TMOD3: variants seen among roughly 807,000 people sequenced by gnomAD.
TMOD3 encodes the protein tropomodulin-3.
In TMOD3, 20 loss-of-function variants were observed where a neutral mutation model predicts 39.2. The ratio of observed to expected loss-of-function variants is 0.51; its 90% CI spans 0.36 to 0.74. The LOEUF is 0.74. Among genes scored for constraint, TMOD3 ranks in the 30% least tolerant of loss-of-function variants. TMOD3 has a pLI of 0.00. For missense variants in TMOD3, 381 were observed against 412.8 expected (o/e 0.92, Z 0.67); for synonymous variants, 143 against 145.8 (o/e 0.98, Z 0.14).
intron 1 of TMOD3, among the ~76,000 whole-genome samples, chr15:51,830,527 T>C (rs1169460130): frequency 6.6e-6 from 1 of 152,196 alleles, no homozygotes; most frequent in East Asian, 1.9e-4. Flanking sequence ...TCTTTTTTTC[T>C]TTTTAATGTT....
At chr15:51,875,227 T>C (rs2056496009) in intron 3 of TMOD3, 1 of 152,170 alleles carries the variant, frequency 6.6e-6, no homozygotes, top group Admixed American at 6.5e-5. Context: ...ATCAAGAGGA[T>C]TACATAACCA....
chr15:51,903,864 A>G (rs1566868896), intron 9 of TMOD3, among the ~76,000 whole-genome samples: 1 of 152,218 alleles, frequency 6.6e-6, no homozygotes, highest in Non-Finnish European at 1.5e-5. Flanking sequence ...GAGCCTCACG[A>G]CCATCACATA....
In TMOD3 at chr15:51,900,021, G is replaced by A; in HGVS notation, c.736-134G>A. 4 of 861,408 alleles carry A rather than the reference G, an allele frequency of 4.6e-6. No homozygotes were observed. The South Asian group carries it at 5.3e-5, about 11-fold the overall frequency. 53.4% of individuals were successfully genotyped at this position (861,408 alleles called of 1,614,324 possible). A position where few individuals can be genotyped will look rare whatever the true frequency, so the allele number is the denominator to read the frequency against. ...GACAACTGTACATGTGAGAGCTATG[G>A]GCTACTGTGTCAAACTGAAACAACT... is the stretch of plus-strand genomic sequence containing the variant. On this transcript the variant is annotated intron_variant, in intron 7 of 9. Coordinates refer to ENST00000308580, the MANE Select transcript of TMOD3 (RefSeq NM_014547.5).
At chr15:51,886,415 G>C (rs371899815) in intron 3 of TMOD3, among the ~76,000 whole-genome samples, 241 of 152,340 alleles carry the variant, frequency 1.6e-3, no homozygotes, top group African/African-American at 5.7e-3. Context: ...CTGCAATCCC[G>C]GCACCTCGGG....
Position 51,864,090 on chromosome 15 carries a change from C to T in TMOD3, c.126+1080C>T, listed in dbSNP as rs910232901. On this transcript the variant is annotated intron_variant, in intron 2 of 9. Transcript: ENST00000308580. ...AGACCAGCCTGGCCAACATAGTGAA[C>T]CCCGTCTCTACTAAATATACAAAAA... Among the ~76,000 whole-genome samples the T allele has an allele frequency of 2.0e-5, 3 of 151,814 alleles. No individual in the cohort carries two copies. In the South Asian group the frequency reaches 6.2e-4, roughly 32 times the overall value.
chr15:51,889,028 TA>T, intron 4 of TMOD3, 27 bp from the exon 5 acceptor site: 2 of 1,461,408 alleles, frequency 1.4e-6, no homozygotes, highest in Non-Finnish European at 1.9e-6. Flanking sequence ...TTTAAAACAA[TA>T]AAAACTTTCT....
intron 1 of TMOD3, chr15:51,861,024 TG>T: frequency 1.4e-6 from 1 of 704,192 alleles, no homozygotes. Context: ...ACCTTGTACC[TG>T]GTGTACAATA....
chr15:51,865,606 C>CT (rs1433512512), intron 2 of TMOD3, among the ~76,000 whole-genome samples: 5 of 152,166 alleles, frequency 3.3e-5, no homozygotes, highest in African/African-American at 1.2e-4. Context: ...AGTCATAATT[C>CT]CTCTAACCTC....
intron 3 of TMOD3, among the ~76,000 whole-genome samples, chr15:51,883,482 G>T (rs2056544745): frequency 6.6e-6 from 1 of 152,098 alleles, no homozygotes; most frequent in Admixed American, 6.5e-5. Context: ...AGTAAAAATT[G>T]TGTTGTTTAT....
chr15:51,867,682 T>C (rs910048139), intron 2 of TMOD3, among the ~76,000 whole-genome samples: 1 of 152,182 alleles, frequency 6.6e-6, no homozygotes, highest in Non-Finnish European at 1.5e-5. Flanking sequence ...TCACTGCCAA[T>C]ATTGGGAGGT....
chr15:51,856,662 A>G (rs961217740), intron 1 of TMOD3, among the ~76,000 whole-genome samples: 5 of 152,114 alleles, frequency 3.3e-5, no homozygotes, highest in Non-Finnish European at 5.9e-5. Context: ...ACATTTGCCA[A>G]TGAACATATG....
intron 3 of TMOD3, chr15:51,884,647 G>C (rs1270576666): frequency 6.6e-6 from 1 of 151,512 alleles, no homozygotes; most frequent in African/African-American, 2.4e-5. Context: ...CACTTGACTA[G>C]CCTTAAAAAA....
At chr15:51,871,762 A>G (rs1451232525) in intron 3 of TMOD3, among the ~76,000 whole-genome samples, 3 of 151,802 alleles carry the variant, frequency 2.0e-5, no homozygotes, top group Non-Finnish European at 2.9e-5. Context: ...TGTATCCTCA[A>G]CTATGGTAGA....
intron 5 of TMOD3, among the ~76,000 whole-genome samples, chr15:51,891,429 T>G (rs1047490540): frequency 1.3e-5 from 2 of 152,196 alleles, no homozygotes; most frequent in Non-Finnish European, 2.9e-5. Flanking sequence ...AGGTCCCTTT[T>G]GGCAAGAATG....
At chr15:51,905,478 C>T (rs886164212) in intron 9 of TMOD3, among the ~76,000 whole-genome samples, 2 of 148,332 alleles carry the variant, frequency 1.3e-5, no homozygotes, top group African/African-American at 5.0e-5. Flanking sequence ...CAGAGTGAGA[C>T]TTTGTCTAAA....
chr15:51,871,906 C>T (rs796193320), intron 3 of TMOD3, among the ~76,000 whole-genome samples: 26 of 152,188 alleles, frequency 1.7e-4, no homozygotes, highest in African/African-American at 4.8e-4. Flanking sequence ...ATAATACATT[C>T]GGTATTTTTA....
chr15:51,883,327 C>T (rs907812152), intron 3 of TMOD3, among the ~76,000 whole-genome samples: 1 of 151,786 alleles, frequency 6.6e-6, no homozygotes, highest in Non-Finnish European at 1.5e-5. Flanking sequence ...AAATTAGGTA[C>T]GAATAATGCC....
intron 1 of TMOD3, among the ~76,000 whole-genome samples, chr15:51,847,345 T>A (rs942373266): frequency 1.3e-5 from 2 of 152,224 alleles, no homozygotes; most frequent in African/African-American, 4.8e-5. Flanking sequence ...TTTCATTTTT[T>A]AAAATGCAAG....
chr15:51,883,049 T>C (rs571862101), intron 3 of TMOD3, among the ~76,000 whole-genome samples: 140 of 152,322 alleles, frequency 9.2e-4, no homozygotes, highest in African/African-American at 3.2e-3. Context: ...GAAGAAAATA[T>C]GAAGTAATTA....
Sources: allele counts gnomAD v4.1 joint callset (sites outside exome capture counted in the v4.1 genomes callset), GRCh38; gene constraint gnomAD v4.1.1; transcripts MANE v1.5; gene names NCBI Gene and HGNC (gene_info 2026-07-23, HGNC 2026-07-21).